Variants in RSU1 observed in about 807,000 individuals in gnomAD.
The protein encoded by RSU1 is rsu-1.
In RSU1, 26 loss-of-function variants were observed where a neutral mutation model predicts 31.1. The ratio of observed to expected loss-of-function variants is 0.84; its 90% CI spans 0.61 to 1.16. RSU1 has a LOEUF of 1.16. RSU1 is among the 50% of genes most tolerant of loss of function. The probability of loss-of-function intolerance (pLI) is 0.00; values close to 1 mark genes in which losing one functional copy is unlikely to be tolerated. For synonymous variants in RSU1, 164 were observed against 136.3 expected, an observed-to-expected ratio of 1.20 and a Z score of -1.41; for missense variants, 320 against 339.1, an observed-to-expected ratio of 0.94 and a Z score of 0.44.
At chr10:16,713,904 G>A (rs530904999) in intron 7 of RSU1, among the ~76,000 whole-genome samples, 1 of 152,104 alleles carries the variant, frequency 6.6e-6, no homozygotes, top group Non-Finnish European at 1.5e-5. Context: ...CTTTAGTTCT[G>A]GGTGGACTCA....
At chr10:16,626,362 T>C (rs912663913) in intron 8 of RSU1, among the ~76,000 whole-genome samples, 1 of 152,044 alleles carries the variant, frequency 6.6e-6, no homozygotes, top group East Asian at 1.9e-4. Context: ...ACTTGTTTTT[T>C]TATGTTTTAT....
intron 7 of RSU1, among the ~76,000 whole-genome samples, chr10:16,737,328 C>A (rs1836647844): frequency 6.6e-6 from 1 of 151,748 alleles, no homozygotes; most frequent in Non-Finnish European, 1.5e-5. Flanking sequence ...ACATGAGAAA[C>A]TGCTAAAACC....
At chr10:16,683,291 A>G (rs983692268) in intron 8 of RSU1, among the ~76,000 whole-genome samples, 1 of 152,096 alleles carries the variant, frequency 6.6e-6, no homozygotes, top group African/African-American at 2.4e-5. Flanking sequence ...GAAGAGAGGA[A>G]AATGAAGGAA....
rs564233009 is a variant in RSU1, at chr10:16,711,852, A to G, written c.599-16697T>C. 3.3e-5 allele frequency among the ~76,000 whole-genome samples: 5 copies of G among 152,292 alleles called. No homozygotes were observed. In the South Asian group the frequency reaches 1.0e-3, roughly 32 times the overall value. ...TCATGTGTAATTGAGAAGAATTTGT[A>G]TTCTGCAGCTGTTAAAATGTTCTGT... On this transcript the variant is annotated intron_variant, in intron 7 of 8. Coordinates refer to ENST00000345264, the MANE Select transcript of RSU1 (RefSeq NM_012425.4).
intron 8 of RSU1, among the ~76,000 whole-genome samples, chr10:16,626,348 G>A (rs1476306351): frequency 6.6e-6 from 1 of 151,930 alleles, no homozygotes; most frequent in Non-Finnish European, 1.5e-5. Context: ...ACCACACCTG[G>A]CTAACTTGTT....
At chr10:16,790,414 G>A (rs574350353) in intron 2 of RSU1, among the ~76,000 whole-genome samples, 2 of 152,284 alleles carry the variant, frequency 1.3e-5, no homozygotes, top group South Asian at 2.1e-4. Flanking sequence ...CACCTAACAC[G>A]CTAGGTATAA....
At chr10:16,798,673 A>G (rs111863464) in intron 2 of RSU1, among the ~76,000 whole-genome samples, 157 of 152,346 alleles carry the variant, frequency 1.0e-3, no homozygotes, top group African/African-American at 3.5e-3. Context: ...CGTTCTTTGT[A>G]GCAGTATGAA....
intron 8 of RSU1, among the ~76,000 whole-genome samples, chr10:16,646,828 C>T (rs182644993): frequency 6.6e-6 from 1 of 152,084 alleles, no homozygotes; most frequent in African/African-American, 2.4e-5. Flanking sequence ...AAAACCACAA[C>T]GAGACATCAC....
At chr10:16,702,032 C>T (rs942422710) in intron 7 of RSU1, among the ~76,000 whole-genome samples, 1 of 152,176 alleles carries the variant, frequency 6.6e-6, no homozygotes, top group African/African-American at 2.4e-5. Context: ...GCCAGATTTC[C>T]TTTTTATTGC....
chr10:16,611,863 T>C (rs1411955296), intron 8 of RSU1, among the ~76,000 whole-genome samples: 1 of 152,206 alleles, frequency 6.6e-6, no homozygotes, highest in African/African-American at 2.4e-5. Flanking sequence ...CTCTTTATGT[T>C]CAGCACCTGT....
chr10:16,765,728 G>T (rs1343616182), intron 3 of RSU1, among the ~76,000 whole-genome samples: 2 of 152,166 alleles, frequency 1.3e-5, no homozygotes, highest in Non-Finnish European at 2.9e-5. Flanking sequence ...CTAAGAACAT[G>T]AACAGGGGCG....
chr10:16,795,377 A>T (rs1052239505), intron 2 of RSU1, among the ~76,000 whole-genome samples: 2 of 150,112 alleles, frequency 1.3e-5, no homozygotes, highest in African/African-American at 2.4e-5. Context: ...AAAAAAAATT[A>T]AAAAAAAATA....
intron 8 of RSU1, among the ~76,000 whole-genome samples, chr10:16,682,753 C>G (rs1835354502): frequency 6.6e-6 from 1 of 152,128 alleles, no homozygotes; most frequent in Non-Finnish European, 1.5e-5. Context: ...CTCTTGGGGT[C>G]TGGATCGGGA....
intron 3 of RSU1, among the ~76,000 whole-genome samples, chr10:16,776,187 G>C (rs553526124): frequency 6.6e-6 from 1 of 152,010 alleles, no homozygotes; most frequent in South Asian, 2.1e-4. Context: ...TGCATAAAAA[G>C]GTTTCAATGT....
At chr10:16,621,691 T>G (rs967284878) in intron 8 of RSU1, among the ~76,000 whole-genome samples, 4 of 152,140 alleles carry the variant, frequency 2.6e-5, no homozygotes. Context: ...GGGGAACCCC[T>G]CTTTATAAAA....
intron 7 of RSU1, among the ~76,000 whole-genome samples, chr10:16,702,652 A>G (rs12253918): frequency 0.023 from 3,441 of 152,246 alleles, 153 homozygotes; most frequent in African/African-American, 0.079. Context: ...GTATTTACCC[A>G]ATGCCTATAC....
intron 8 of RSU1, among the ~76,000 whole-genome samples, chr10:16,685,784 C>G (rs1835430447): frequency 6.6e-6 from 1 of 152,182 alleles, no homozygotes; most frequent in Non-Finnish European, 1.5e-5. Context: ...CAGGTCTCAG[C>G]CTCATTTTAC....
chr10:16,596,721 GATTATT>G (rs796510973), intron 8 of RSU1, among the ~76,000 whole-genome samples: 57 of 152,168 alleles, frequency 3.7e-4, no homozygotes, highest in African/African-American at 1.2e-3. Flanking sequence ...AAACTTTAAG[GATTATT>G]ATTATTATTT....
At chr10:16,790,288 T>A (rs185458145) in intron 2 of RSU1, among the ~76,000 whole-genome samples, 53 of 152,218 alleles carry the variant, frequency 3.5e-4, no homozygotes, top group African/African-American at 1.2e-3. Flanking sequence ...CGACCACACA[T>A]CCTGATTAGC....
Sources: gnomAD v4.1 joint callset for allele counts (sites outside exome capture counted in the v4.1 genomes callset) on GRCh38, gnomAD v4.1.1 for gene constraint, MANE v1.5 for transcripts, NCBI Gene and HGNC (gene_info 2026-07-23, HGNC 2026-07-21) for gene names.